Variants in MRPL43 observed in about 807,000 individuals in gnomAD.
MRPL43 encodes large ribosomal subunit protein mL43.
A neutral mutation model predicts 12.7 loss-of-function variants in MRPL43; 9 were observed. That is an observed-to-expected ratio of 0.71 (90% CI 0.43 to 1.24). The LOEUF is 1.24. Ranked by LOEUF, MRPL43 falls within the 50% of genes most tolerant of loss-of-function variation. The pLI is 0.00. For synonymous variants in MRPL43, 116 were observed against 96.4 expected, an observed-to-expected ratio of 1.20 and a Z score of -1.19; for missense variants, 211 against 229.2, an observed-to-expected ratio of 0.92 and a Z score of 0.51.
chr10:100,980,724 C>T (rs374385096), downstream of MRPL43: 10 of 1,608,568 alleles, frequency 6.2e-6, no homozygotes, highest in Non-Finnish European at 8.5e-6. Context: ...TTAATATAGC[C>T]TTGCTGAAAT....
chr10:100,983,169 A>AT, downstream of MRPL43: 2 of 1,099,636 alleles, frequency 1.8e-6, no homozygotes, highest in Non-Finnish European at 2.5e-6. Flanking sequence ...GCATGAGCAC[A>AT]GAGCCTGGGT....
Position 100,987,172 on chromosome 10 carries a change from G to T in MRPL43, c.156C>A (p.Ile52=). The part of the protein sequence containing the change: ...GAREFVEREV[I]DFARRNPGVV... ...CCCCTGGATTCCGTCGGGCGAAGTCGATCACCTCCCGCTCCACGAACTCCC... is the reference window on the plus strand; with the variant it reads ...CCCCTGGATTCCGTCGGGCGAAGTCTATCACCTCCCGCTCCACGAACTCCC... The change falls in exon 2 of 3, where the codon ATC becomes ATA. Residue 52 remains isoleucine, a synonymous_variant. Coordinates refer to ENST00000318364, the MANE Select transcript of MRPL43 (RefSeq NM_032112.3). 1.9e-6 allele frequency: 3 copies of T among 1,613,832 alleles called. No homozygotes were observed. The highest frequency in any genetic ancestry group is 2.5e-6 in the Non-Finnish European group (3 of 1,180,034).
downstream of MRPL43, chr10:100,979,080 T>C (rs769709858): frequency 5.6e-6 from 9 of 1,613,534 alleles, no homozygotes; most frequent in East Asian, 1.8e-4. Context: ...TGGCCCCTTA[T>C]CCCGTGCCTC....
At chr10:100,983,429 T>C (rs755671543), downstream of MRPL43, 13 of 1,613,638 alleles carry the variant, frequency 8.1e-6, no homozygotes, top group Admixed American at 2.0e-4. Context: ...GCCTGAGCGA[T>C]GGGCAGGGTG....
At chr10:100,981,413 T>C (rs762806204), downstream of MRPL43, 8 of 1,613,762 alleles carry the variant, frequency 5.0e-6, no homozygotes, top group Non-Finnish European at 5.1e-6. Context: ...AAATGAATTA[T>C]AAACTAGGAA....
chr10:100,984,374 G>C, downstream of MRPL43: 1 of 1,447,844 alleles, frequency 6.9e-7, no homozygotes, highest in Non-Finnish European at 9.0e-7. Context: ...GCTCCCTCAG[G>C]ATCAGGTGCC....
At chr10:100,979,950 G>A (rs776474084), downstream of MRPL43, 2 of 1,614,080 alleles carry the variant, frequency 1.2e-6, no homozygotes, top group Non-Finnish European at 1.7e-6. Flanking sequence ...CCCGGCGCTG[G>A]GGTCGCTATG....
downstream of MRPL43, chr10:100,983,795 G>T: frequency 6.2e-7 from 1 of 1,606,488 alleles, no homozygotes. Context: ...CGGTGCAACT[G>T]CAGACAGTCT....
downstream of MRPL43, chr10:100,979,289 C>T (rs201421075): frequency 1.4e-5 from 22 of 1,613,974 alleles, no homozygotes; most frequent in African/African-American, 9.3e-5. Flanking sequence ...CAGGGACAAT[C>T]GGGAGGCAAG....
At chr10:100,978,377 G>C (rs1850892457), downstream of MRPL43, 1 of 1,613,214 alleles carries the variant, frequency 6.2e-7, no homozygotes, top group Non-Finnish European at 8.5e-7. Context: ...GGCTTCACAG[G>C]CCTCATCATT....
chr10:100,987,404 C>A lies in MRPL43; in HGVS notation c.40G>T (p.Val14Phe). The A allele has an allele frequency of 6.2e-7, 1 of 1,612,614 alleles. No homozygotes were observed. The highest frequency in any genetic ancestry group is 1.3e-5 in the African/African-American group (1 of 75,068). ...RGTPSRFLAS[V>F]LHNGLGRYVQ... ...TAGCGACCCAGTCCGTTGTGGAGAA[C>A]GCTGGCCAAGAAGCGGCTCGGAGTC... The change falls in exon 1 of 3, where the codon GTT becomes TTT. Residue 14 changes from valine to phenylalanine, a missense_variant. Val to Phe is a conservative substitution (Grantham distance 50). Coordinates refer to ENST00000318364, the MANE Select transcript of MRPL43 (RefSeq NM_032112.3).
downstream of MRPL43, chr10:100,979,856 T>C: frequency 6.2e-7 from 1 of 1,613,760 alleles, no homozygotes; most frequent in Admixed American, 1.7e-5. Flanking sequence ...AGGAAGACCC[T>C]GGAGGCCTCA....
downstream of MRPL43, chr10:100,984,971 C>G: frequency 2.9e-6 from 4 of 1,385,978 alleles, no homozygotes; most frequent in South Asian, 6.0e-5. Context: ...GCTTACATTT[C>G]CACTCACATG....
chr10:100,986,887 G>A lies in MRPL43; in HGVS notation c.327C>T (p.Gly109=). ...TLVQKLADQS[G]LDVIRIRKPF... is the part of the protein sequence containing the mutation. ...GCTTGCGGATGCGGATCACGTCCAA[G>A]CCCGACTGGTCGGCCAGCTTCTGCA... Residue 109 remains glycine (G), a synonymous_variant, in exon 3 of 3, where the codon GGC becomes GGT. Transcript: ENST00000318364. 1 of 1,613,030 alleles carries A rather than the reference G, an allele frequency of 6.2e-7. No individual in the cohort carries two copies. Among genetic ancestry groups the A allele is most frequent in the South Asian group, 1.1e-5 (1 of 91,082 alleles).
downstream of MRPL43, chr10:100,981,188 TAG>T: frequency 6.2e-7 from 1 of 1,614,186 alleles, no homozygotes; most frequent in Non-Finnish European, 8.5e-7. Flanking sequence ...ATACAGGACA[TAG>T]AGAGAGGAAA....
Position 100,986,457 on chromosome 10 carries a change from G to T in MRPL43, c.*277C>A, listed in dbSNP as rs575427961. The T allele has an allele frequency of 9.8e-6, 15 of 1,528,632 alleles. No individual in the cohort carries two copies. The African/African-American group carries it at 1.1e-4, about 11-fold the overall frequency. The allele number at this position is 1,528,632 out of a possible 1,614,324, so 94.7% of individuals were successfully genotyped here. On this transcript the variant is annotated 3_prime_UTR_variant, in exon 3 of 3. Coordinates refer to ENST00000318364, the MANE Select transcript of MRPL43 (RefSeq NM_032112.3). ...TTTTGAGATCATTATTATCAATTTGGATTTAAAAAACAAGGGCCCTGTAAA... is the reference window on the plus strand; with the variant it reads ...TTTTGAGATCATTATTATCAATTTGTATTTAAAAAACAAGGGCCCTGTAAA...
downstream of MRPL43, chr10:100,981,203 G>A (rs757411949): frequency 6.8e-6 from 11 of 1,614,102 alleles, no homozygotes; most frequent in Middle Eastern, 1.6e-4. Flanking sequence ...AGAGGAAATC[G>A]AGGCTGTGAG....
chr10:100,981,492 C>G (rs1851071094), downstream of MRPL43: 2 of 1,614,148 alleles, frequency 1.2e-6, no homozygotes. Context: ...GACAAGGGTT[C>G]AGGACGGTAA....
downstream of MRPL43, chr10:100,983,474 A>C: frequency 1.2e-6 from 2 of 1,614,186 alleles, no homozygotes; most frequent in Non-Finnish European, 1.7e-6. Context: ...TGCTGGTTAC[A>C]GATGCACAGC....
Sources: gnomAD v4.1 joint callset for allele counts on GRCh38, gnomAD v4.1.1 for gene constraint, MANE v1.5 for transcripts, NCBI Gene and HGNC (gene_info 2026-07-23, HGNC 2026-07-21) for gene names.